Variants in CCDC149 observed in about 807,000 individuals in gnomAD.
CCDC149 encodes coiled-coil domain containing 149.
CCDC149 carries 45 observed loss-of-function variants against 59.9 expected under a neutral mutation model. The ratio of observed to expected loss-of-function variants is 0.75; its 90% CI spans 0.59 to 0.96. The LOEUF is 0.96. Among genes scored for constraint, CCDC149 ranks in the 40% least tolerant of loss-of-function variants. The pLI is 0.00. For synonymous variants in CCDC149, 245 were observed against 260.6 expected (o/e 0.94, Z 0.58); for missense variants, 584 against 664.7 (o/e 0.88, Z 1.33).
At chr4:24,978,112 C>G (rs12503791) in intron 1 of CCDC149, among the ~76,000 whole-genome samples, 3,076 of 152,264 alleles carry the variant, frequency 0.02, 42 homozygotes, top group Middle Eastern at 0.041. Flanking sequence ...GCCTCAGTGA[C>G]AGGGCAAGAC....
At chr4:24,914,272 A>G (rs555617889), upstream of CCDC149, among the ~76,000 whole-genome samples, 60 of 152,150 alleles carry the variant, frequency 3.9e-4, no homozygotes, top group African/African-American at 1.4e-3. Flanking sequence ...CTGTTTGCAA[A>G]ATGGCAGCAA....
Position 24,854,890 on chromosome 4 carries a change from C to A in CCDC149, c.265-1711G>T, listed in dbSNP as rs140926478. 1.6e-4 allele frequency among the ~76,000 whole-genome samples: 24 copies of A among 152,302 alleles called. No individual in the cohort carries two copies. In the East Asian group the frequency reaches 4.3e-3, roughly 27 times the overall value. On this transcript the variant is annotated intron_variant, in intron 3 of 12. Coordinates refer to ENST00000635206, the MANE Select transcript of CCDC149 (RefSeq NM_001330643.2). ...GAGAGCCTCTTGGTTCACTTCCTCACCTCCTTCAGTCTTGCTCAAAGGTCA... is the reference window on the plus strand; with the variant it reads ...GAGAGCCTCTTGGTTCACTTCCTCAACTCCTTCAGTCTTGCTCAAAGGTCA...
intron 4 of CCDC149, among the ~76,000 whole-genome samples, chr4:24,839,414 T>G (rs991568368): frequency 6.6e-6 from 1 of 151,912 alleles, no homozygotes; most frequent in Admixed American, 6.6e-5. Flanking sequence ...CTCCTGACCT[T>G]GTGATCCGCC....
At chr4:24,836,320 A>G in intron 7 of CCDC149, 116 bp downstream of exon 7, 1 of 734,452 alleles carries the variant, frequency 1.4e-6, no homozygotes, top group Non-Finnish European at 2.4e-6. Context: ...ATTAGACTCT[A>G]TCTGGGAGGG....
intron 1 of CCDC149, among the ~76,000 whole-genome samples, chr4:24,885,888 A>T (rs2244674): frequency 6.6e-6 from 1 of 152,008 alleles, no homozygotes; most frequent in Admixed American, 6.5e-5. Flanking sequence ...ATTCTTAGGA[A>T]TAATAAGAAG....
chr4:24,968,726 A>G (rs1299747398), intron 1 of CCDC149, among the ~76,000 whole-genome samples: 7 of 152,202 alleles, frequency 4.6e-5, no homozygotes, highest in African/African-American at 1.7e-4. Flanking sequence ...AGAATAGCCT[A>G]TTGGGCAGTA....
chr4:24,934,180 C>G lies in CCDC149; in HGVS notation c.-64-39062G>C, dbSNP rs1722669090. Among the ~76,000 whole-genome samples, 5 of 152,310 alleles carry G rather than the reference C, an allele frequency of 3.3e-5. 1 individual carries two copies. In the South Asian group the frequency reaches 1.0e-3, roughly 32 times the overall value. ...ACCCAAACCTCATCTTGAATTGTAG[C>G]TCCTATAATTCCCACATGTTGTGGG... is the stretch of plus-strand genomic sequence containing the variant. On this transcript the variant is annotated intron_variant, in intron 1 of 12. Coordinates refer to the CCDC149 transcript ENST00000389609.
chr4:24,819,569 C>T (rs1284054071), intron 12 of CCDC149, among the ~76,000 whole-genome samples: 1 of 152,154 alleles, frequency 6.6e-6, no homozygotes, highest in Non-Finnish European at 1.5e-5. Flanking sequence ...GAAACACCCA[C>T]ATCCACCTCC....
intron 3 of CCDC149, among the ~76,000 whole-genome samples, chr4:24,856,031 G>C (rs1171763377): frequency 6.6e-6 from 1 of 152,180 alleles, no homozygotes; most frequent in Non-Finnish European, 1.5e-5. Flanking sequence ...AATGAACAAA[G>C]AATGCCTACC....
intron 1 of CCDC149, among the ~76,000 whole-genome samples, chr4:24,900,125 T>C (rs1174220714): frequency 2.0e-5 from 3 of 152,224 alleles, no homozygotes; most frequent in Non-Finnish European, 4.4e-5. Context: ...TATCACAGCA[T>C]AGTGTCCTCA....
At chr4:24,916,833 T>G (rs1722136982), upstream of CCDC149, among the ~76,000 whole-genome samples, 1 of 150,594 alleles carries the variant, frequency 6.6e-6, no homozygotes, top group African/African-American at 2.5e-5. Flanking sequence ...TGTACATATA[T>G]TTATTAATTA....
At chr4:24,866,570 T>C (rs1244498828) in intron 3 of CCDC149, among the ~76,000 whole-genome samples, 1 of 152,126 alleles carries the variant, frequency 6.6e-6, no homozygotes, top group Middle Eastern at 3.2e-3. Context: ...CTGCCTGAAG[T>C]CACAAGAAGA....
intron 3 of CCDC149, among the ~76,000 whole-genome samples, chr4:24,855,762 G>C (rs188343659): frequency 6.6e-6 from 1 of 152,216 alleles, no homozygotes; most frequent in Non-Finnish European, 1.5e-5. Context: ...CCAGATTTCT[G>C]TTCTCCTAAG....
At chr4:24,960,558 G>A (rs751038620) in intron 1 of CCDC149, among the ~76,000 whole-genome samples, 10 of 152,138 alleles carry the variant, frequency 6.6e-5, no homozygotes, top group Non-Finnish European at 1.5e-4. Flanking sequence ...GTAAAGGGAT[G>A]GGAAAATGTA....
chr4:24,902,935 G>A (rs1281696799), intron 1 of CCDC149, among the ~76,000 whole-genome samples: 3 of 130,540 alleles, frequency 2.3e-5, no homozygotes, highest in Non-Finnish European at 3.1e-5. Flanking sequence ...TGAGGCTGGA[G>A]AATCACTTGA....
At chr4:24,805,076 T>C (rs1176610941), downstream of CCDC149, among the ~76,000 whole-genome samples, 1 of 152,084 alleles carries the variant, frequency 6.6e-6, no homozygotes, top group Non-Finnish European at 1.5e-5. Context: ...CAAAAACCAA[T>C]CCACTTCTAC....
intron 9 of CCDC149, among the ~76,000 whole-genome samples, chr4:24,825,768 G>A (rs567072804): frequency 1.6e-3 from 236 of 148,616 alleles, no homozygotes; most frequent in African/African-American, 5.5e-3. Context: ...GCAAGACTCC[G>A]TCTCAAAAAA....
chr4:24,899,500 A>G lies in CCDC149; in HGVS notation c.63+13317T>C, dbSNP rs148713063. Among the ~76,000 whole-genome samples the G allele has an allele frequency of 2.4e-3, 364 of 152,294 alleles. 3 individuals carry two copies. The highest frequency in any genetic ancestry group is 8.3e-3 in the African/African-American group (346 of 41,564). ...GGCTGCACAGCCAGGATCGAGTCCT[A>G]AAGAAAGACCACTGGGTGTGGCAGT... On this transcript the variant is annotated intron_variant, in intron 1 of 12. Coordinates refer to ENST00000635206, the MANE Select transcript of CCDC149 (RefSeq NM_001330643.2).
intron 12 of CCDC149, among the ~76,000 whole-genome samples, chr4:24,813,527 T>TATATATATATATATAA (rs1405803152): frequency 2.2e-5 from 2 of 91,260 alleles, no homozygotes; most frequent in Non-Finnish European, 4.6e-5. Flanking sequence ...TATATATATA[T>TATATATATATATATAA]AAAACCTAAA....
Sources: allele counts gnomAD v4.1 joint callset (sites outside exome capture counted in the v4.1 genomes callset), GRCh38; gene constraint gnomAD v4.1.1; transcripts MANE v1.5; gene names NCBI Gene and HGNC (gene_info 2026-07-23, HGNC 2026-07-21).